EPB41L1: variants seen among roughly 807,000 people sequenced by gnomAD.
EPB41L1 encodes the protein band 4.1-like protein 1.
EPB41L1 carries 29 observed loss-of-function variants against 97.8 expected under a neutral mutation model. The observed-to-expected ratio is 0.30, with a 90% CI of 0.22 to 0.40. The LOEUF is 0.40. Among genes scored for constraint, EPB41L1 ranks in the 10% least tolerant of loss-of-function variants. EPB41L1 has a pLI of 1.00. For synonymous variants in EPB41L1, 383 were observed against 459.2 expected, an observed-to-expected ratio of 0.83 and a Z score of 2.12; for missense variants, 812 against 1,162.3, an observed-to-expected ratio of 0.70 and a Z score of 4.38.
intron 14 of EPB41L1, chr20:36,205,850 G>A: frequency 7.8e-7 from 1 of 1,287,500 alleles, no homozygotes; most frequent in Non-Finnish European, 1.0e-6. Context: ...GAAACACAGG[G>A]TTCAGAGCAT....
At chr20:36,121,842 T>TC (rs1256973041) in intron 2 of EPB41L1, 2 of 152,462 alleles carry the variant, frequency 1.3e-5, no homozygotes, top group Non-Finnish European at 2.9e-5. Context: ...TATTATTTCC[T>TC]TTGGGCAGGA....
chr20:36,144,064 G>A (rs2059746575), intron 2 of EPB41L1, among the ~76,000 whole-genome samples: 1 of 152,030 alleles, frequency 6.6e-6, no homozygotes. Context: ...TGTTGGCCAG[G>A]CTAGTCTCAA....
intron 2 of EPB41L1, among the ~76,000 whole-genome samples, chr20:36,127,132 C>G (rs755209153): frequency 1.3e-5 from 2 of 152,246 alleles, no homozygotes; most frequent in Non-Finnish European, 2.9e-5. Flanking sequence ...CATACCCCGC[C>G]TCCCATCTGA....
chr20:36,187,669 C>G lies in EPB41L1; in HGVS notation c.786-7C>G, dbSNP rs750200480. Reference sequence around the variant, plus strand: ...TTGGTCACCTGTGATCACTTTCTTTCCCTCAGGGGGATGACCCCGGGAGAA... The same window carrying G: ...TTGGTCACCTGTGATCACTTTCTTTGCCTCAGGGGGATGACCCCGGGAGAA... On this transcript the variant is annotated splice_polypyrimidine_tract_variant and splice_region_variant and intron_variant, in intron 7 of 21. Coordinates refer to ENST00000338074, the MANE Select transcript of EPB41L1 (RefSeq NM_012156.2). The G allele has an allele frequency of 6.2e-7, 1 of 1,613,292 alleles. No homozygotes were observed. The highest frequency in any genetic ancestry group is 2.2e-5 in the East Asian group (1 of 44,860).
chr20:36,204,072 G>C (rs1204310470), intron 14 of EPB41L1, among the ~76,000 whole-genome samples: 1 of 152,112 alleles, frequency 6.6e-6, no homozygotes, highest in Non-Finnish European at 1.5e-5. Context: ...AGGGTGGAGA[G>C]GACACACTTC....
At chr20:36,175,859 G>A in intron 3 of EPB41L1, 144 bp downstream of exon 3, 2 of 853,626 alleles carry the variant, frequency 2.3e-6, no homozygotes, top group South Asian at 2.9e-5. Context: ...CTGGCTCGGA[G>A]CTCCTTTGTA....
chr20:36,189,239 G>A (rs910228611), intron 9 of EPB41L1, among the ~76,000 whole-genome samples: 1 of 152,030 alleles, frequency 6.6e-6, no homozygotes, highest in African/African-American at 2.4e-5. Context: ...CTCGCCTCTG[G>A]TGCTCTCCAG....
At chr20:36,136,851 C>T (rs762312520) in intron 2 of EPB41L1, among the ~76,000 whole-genome samples, 10 of 151,082 alleles carry the variant, frequency 6.6e-5, no homozygotes, top group South Asian at 2.1e-4. Context: ...CCCAAAGTAA[C>T]GGGATTACAG....
intron 1 of EPB41L1, among the ~76,000 whole-genome samples, chr20:36,107,715 G>A (rs1164943451): frequency 1.3e-5 from 2 of 151,546 alleles, no homozygotes; most frequent in Non-Finnish European, 1.5e-5. Flanking sequence ...TGTAATTCCA[G>A]CTACTCAGGA....
Position 36,194,310 on chromosome 20 carries a change from G to C in EPB41L1, c.1399G>C (p.Glu467Gln), listed in dbSNP as rs1387444693. Residue 467 changes from glutamate to glutamine, a missense_variant, in exon 12 of 22, where the codon GAG becomes CAG. Physicochemically the swap from Glu to Gln is conservative, Grantham distance 29. Coordinates refer to ENST00000338074, the MANE Select transcript of EPB41L1 (RefSeq NM_012156.2). ...EDGESGGQRSEAEEGEVRTPT... is the reference protein window; with the variant it reads ...EDGESGGQRSQAEEGEVRTPT... ...TGGCGAGTCTGGGGGGCAACGGTCA[G>C]AGGCTGAGGAGGGAGAGGTCAGGAC... 1 of 1,614,014 alleles carries C rather than the reference G, an allele frequency of 6.2e-7. No homozygotes were observed. Among genetic ancestry groups the C allele is most frequent in the African/African-American group, 1.3e-5 (1 of 74,946 alleles).
chr20:36,141,465 C>T (rs540566134), intron 2 of EPB41L1, among the ~76,000 whole-genome samples: 28 of 152,196 alleles, frequency 1.8e-4, no homozygotes, highest in African/African-American at 6.3e-4. Flanking sequence ...TGGGAATTGG[C>T]TAGATGGGCC....
chr20:36,151,628 G>T (rs544989575), upstream of EPB41L1: 2 of 152,358 alleles, frequency 1.3e-5, no homozygotes, highest in South Asian at 4.1e-4. Flanking sequence ...AGTAGTAATT[G>T]CAACTGATGC....
In EPB41L1 at chr20:36,216,560, A is replaced by T. The variant is rs571383586; in HGVS notation, c.2268+2120A>T. On this transcript the variant is annotated intron_variant, in intron 17 of 21. Transcript: ENST00000338074. ...TGTGTTTCTGTGTTTTAGAAAGATTATTCTAGCAACCTCTGTGGAGGAGGG... is the reference window on the plus strand; with the variant it reads ...TGTGTTTCTGTGTTTTAGAAAGATTTTTCTAGCAACCTCTGTGGAGGAGGG... 3.3e-5 allele frequency among the ~76,000 whole-genome samples: 5 copies of T among 152,242 alleles called. No homozygotes were observed. In the East Asian group the frequency reaches 7.7e-4, roughly 23 times the overall value.
chr20:36,122,368 C>T (rs1038422372), intron 2 of EPB41L1, among the ~76,000 whole-genome samples: 32 of 152,160 alleles, frequency 2.1e-4, no homozygotes, highest in Admixed American at 9.2e-4. Flanking sequence ...GTGGTGGAGC[C>T]GCTCAGCTGT....
In EPB41L1 at chr20:36,209,693, T is replaced by C. The variant is rs767842881; in HGVS notation, c.1874T>C (p.Ile625Thr). Residue 625 changes from isoleucine to threonine, a missense_variant, in exon 15 of 22, where the codon ATT becomes ACT. Around this residue, in one of 3 missense-constraint regions of EPB41L1, gnomAD observed 498 missense variants for 622.7 expected, o/e 0.80. Transcript: ENST00000338074. This position sits in a 1 kb window ranked among gnomAD's most constrained non-coding sequence, Gnocchi z 4.2. ...SLEAEVDFTV[I>T]GDYHGSAFED... ...GAGGCTGAGGTGGACTTCACGGTCA[T>C]TGGTGACTACCATGGCAGCGCCTTC... 5.0e-6 allele frequency: 8 copies of C among 1,614,062 alleles called. No individual in the cohort carries two copies. The highest frequency in any genetic ancestry group is 1.1e-5 in the South Asian group (1 of 91,090).
chr20:36,150,612 G>A (rs539717201), upstream of EPB41L1: 1 of 152,286 alleles, frequency 6.6e-6, no homozygotes. Context: ...GAACTTTGGG[G>A]TCGCTAACCC....
At chr20:36,214,020 G>C (rs1002955286) in intron 16 of EPB41L1, among the ~76,000 whole-genome samples, 1 of 151,820 alleles carries the variant, frequency 6.6e-6, no homozygotes, top group Non-Finnish European at 1.5e-5. Flanking sequence ...CACTATCAGC[G>C]CTCGTGAATT....
rs568171472 is a variant in EPB41L1 at position 36,174,631 on chromosome 20, G to T, written c.177+677G>T. On this transcript the variant is annotated intron_variant, in intron 2 of 21. Transcript: ENST00000338074. ...AGGTCTTGCTATGCTGCCTAGACTG[G>T]TCTCAAACTCCTGGGCTCGAGTGAT... 1.6e-3 allele frequency among the ~76,000 whole-genome samples: 233 copies of T among 150,294 alleles called. 1 individual carries two copies. Among genetic ancestry groups the T allele is most frequent in the Non-Finnish European group, 2.5e-3 (170 of 67,732 alleles).
intron 17 of EPB41L1, among the ~76,000 whole-genome samples, chr20:36,216,397 G>A (rs2063444139): frequency 6.6e-6 from 1 of 152,192 alleles, no homozygotes; most frequent in African/African-American, 2.4e-5. Context: ...GGAGGAGTCG[G>A]GGGGGAAGAG....
Sources: gnomAD v4.1 joint callset for allele counts (sites outside exome capture counted in the v4.1 genomes callset) on GRCh38, gnomAD v4.1.1 for gene constraint, gnomAD v4.1.1 regional missense constraint, Gnocchi (gnomAD v3.1) non-coding constraint, MANE v1.5 for transcripts, NCBI Gene and HGNC (gene_info 2026-07-23, HGNC 2026-07-21) for gene names.